WNT11: variants seen among roughly 807,000 people sequenced by gnomAD.
The protein encoded by WNT11 is Wnt family member 11, also known as protein Wnt-11.
A neutral mutation model predicts 35.6 loss-of-function variants in WNT11; 20 were observed. The observed-to-expected ratio is 0.56, with a 90% confidence interval of 0.40 to 0.82. The LOEUF (loss-of-function observed/expected upper bound fraction) is 0.82, where lower values mean the gene tolerates loss of function less well. Among genes scored for constraint, WNT11 ranks in the 40% least tolerant of loss-of-function variants. WNT11 has a pLI of 0.00. For missense variants in WNT11, 459 were observed against 504.4 expected (o/e 0.91, Z 0.86); for synonymous variants, 200 against 211.9 (o/e 0.94, Z 0.49).
At chr11:76,193,311 C>T (rs1040997861) in intron 3 of WNT11, among the ~76,000 whole-genome samples, 10 of 152,246 alleles carry the variant, frequency 6.6e-5, no homozygotes, top group African/African-American at 2.4e-4. Flanking sequence ...CTGATTTGCC[C>T]TGAGGCGGAG....
At chr11:76,206,119 C>T (rs751924080) in intron 1 of WNT11, among the ~76,000 whole-genome samples, 1 of 150,584 alleles carries the variant, frequency 6.6e-6, no homozygotes, top group Non-Finnish European at 1.5e-5. Flanking sequence ...TGGTCCACGC[C>T]CGTCTCACTC....
chr11:76,191,457 A>ATT, intron 4 of WNT11, 107 bp downstream of exon 4: 2 of 1,309,902 alleles, frequency 1.5e-6, no homozygotes, highest in Non-Finnish European at 2.1e-6. Context: ...CAGGGTCTCC[A>ATT]TTCCCCACAT....
upstream of WNT11, chr11:76,210,580 C>G: frequency 1.0e-6 from 1 of 985,224 alleles, no homozygotes; most frequent in Non-Finnish European, 1.2e-6. Context: ...GCTGGGCGAG[C>G]GGCGAAGGCG....
At chr11:76,201,427 G>A (rs1953375805) in intron 1 of WNT11, among the ~76,000 whole-genome samples, 1 of 152,224 alleles carries the variant, frequency 6.6e-6, no homozygotes, top group Non-Finnish European at 1.5e-5. Flanking sequence ...TCCCCCTTGG[G>A]GAGGTAATCA....
chr11:76,203,113 G>A lies in WNT11; in HGVS notation c.83+3212C>T, dbSNP rs116215813. ...TGTGCAAGTGGGGAAACTGAGGCCC[G>A]GAAAGGGCAGGGCTTGCCCAGATCT... On this transcript the variant is annotated intron_variant, in intron 1 of 4. Transcript: ENST00000322563. 9.0e-3 allele frequency among the ~76,000 whole-genome samples: 1,374 copies of A among 152,362 alleles called. 20 individuals carry two copies. The highest frequency in any genetic ancestry group is 0.032 in the African/African-American group (1,320 of 41,572).
intron 1 of WNT11, 121 bp downstream of exon 1, chr11:76,206,204 G>T: frequency 3.3e-6 from 3 of 909,494 alleles, no homozygotes; most frequent in South Asian, 2.7e-5. Context: ...ACTTGCCCAC[G>T]ACCGCCAAGC....
At chr11:76,210,517 G>A (rs1232929186), upstream of WNT11, 6 of 985,224 alleles carry the variant, frequency 6.1e-6, no homozygotes, top group Non-Finnish European at 7.2e-6. Flanking sequence ...CGGGTGCCCC[G>A]GCCTGCCCAG....
chr11:76,189,323 G>A (rs1591299723), intron 4 of WNT11, among the ~76,000 whole-genome samples: 2 of 152,306 alleles, frequency 1.3e-5, no homozygotes, highest in East Asian at 3.9e-4. Context: ...CCGGGTGCCT[G>A]GGACCAGGAT....
upstream of WNT11, chr11:76,206,841 C>T (rs76099981): frequency 0.014 from 2,096 of 148,680 alleles, 37 homozygotes; most frequent in African/African-American, 0.051. Context: ...CTGAGAGCCA[C>T]GGAGACAGAG....
upstream of WNT11, among the ~76,000 whole-genome samples, chr11:76,207,522 A>T (rs943359489): frequency 3.3e-5 from 5 of 151,886 alleles, no homozygotes; most frequent in African/African-American, 1.2e-4. Context: ...GTGTCCGGCG[A>T]AATCAGGAAA....
chr11:76,200,759 G>A lies in WNT11; in HGVS notation c.84-4041C>T, dbSNP rs912959561. 3.3e-5 allele frequency among the ~76,000 whole-genome samples: 5 copies of A among 152,182 alleles called. 1 individual carries two copies. The highest frequency in any genetic ancestry group is 7.3e-5 in the Non-Finnish European group (5 of 68,040). ...TGAGCCTGCTCTGCCGCTTGCCCTCGCCCAACTTTCTTCCCGCTCCTTCTG... is the reference window on the plus strand; with the variant it reads ...TGAGCCTGCTCTGCCGCTTGCCCTCACCCAACTTTCTTCCCGCTCCTTCTG... On this transcript the variant is annotated intron_variant, in intron 1 of 4. Transcript: ENST00000322563.
rs201233239 is a variant in WNT11, at chr11:76,206,419, G to A, written c.-12C>T. ...GGCCGCGCCCTCATCGTCGCGCGGCGGGCGCGCCCGGGGTCACACCCAGGA... is the reference window on the plus strand; with the variant it reads ...GGCCGCGCCCTCATCGTCGCGCGGCAGGCGCGCCCGGGGTCACACCCAGGA... On this transcript the variant is annotated 5_prime_UTR_variant, in exon 1 of 5. Transcript: ENST00000322563. 177 of 1,494,388 alleles carry A rather than the reference G, an allele frequency of 1.2e-4. No individual in the cohort carries two copies. The highest frequency in any genetic ancestry group is 1.1e-3 in the Admixed American group (52 of 45,378). The allele number at this position is 1,494,388 out of a possible 1,614,324, so 92.6% of individuals were successfully genotyped here. A position where few individuals can be genotyped will look rare whatever the true frequency, so the allele number is the denominator to read the frequency against.
chr11:76,207,208 A>G (rs1953488678), upstream of WNT11, among the ~76,000 whole-genome samples: 1 of 152,010 alleles, frequency 6.6e-6, no homozygotes, highest in African/African-American at 2.4e-5. Context: ...CTACGAATAC[A>G]AAAAATTAGC....
Position 76,194,509 on chromosome 11 carries a change from C to T in WNT11, c.597+58G>A. The T allele has an allele frequency of 7.3e-7, 1 of 1,378,298 alleles. No individual in the cohort carries two copies. The highest frequency in any genetic ancestry group is 9.4e-7 in the Non-Finnish European group (1 of 1,062,362). 85.4% of individuals were successfully genotyped at this position (1,378,298 alleles called of 1,614,324 possible). ...CACCACTGGGGCAAGCTGGGTGGCC[C>T]TTTTCTGGCCAATGGCACAAGCACA... is the stretch of plus-strand genomic sequence containing the variant. On this transcript the variant is annotated intron_variant, in intron 3 of 4. Coordinates refer to ENST00000322563, the MANE Select transcript of WNT11 (RefSeq NM_004626.3). This position sits in a 1 kb window ranked among gnomAD's most constrained non-coding sequence, Gnocchi z 5.4.
upstream of WNT11, chr11:76,206,525 G>C: frequency 8.1e-7 from 1 of 1,230,358 alleles, no homozygotes; most frequent in South Asian, 3.7e-5. Flanking sequence ...CGGAGGCGGC[G>C]GGTTAAGGCG....
chr11:76,192,108 A>G (rs1322243579), intron 3 of WNT11, among the ~76,000 whole-genome samples: 4 of 152,208 alleles, frequency 2.6e-5, no homozygotes, highest in Non-Finnish European at 5.9e-5. Flanking sequence ...CACCTGCTGT[A>G]TACCAAGCGC....
At chr11:76,210,605 C>T (rs988215208), upstream of WNT11, 75 of 985,288 alleles carry the variant, frequency 7.6e-5, no homozygotes, top group African/African-American at 1.2e-3. Flanking sequence ...CTTCGTGAAG[C>T]GGCGCGAGAA....
chr11:76,210,760 C>G (rs1953562164), upstream of WNT11: 1 of 830,966 alleles, frequency 1.2e-6, no homozygotes, highest in African/African-American at 1.8e-5. Context: ...GGCGCGATCT[C>G]CGGCGCGAGC....
chr11:76,187,290 C>A, intron 4 of WNT11, 51 bp from the exon 5 acceptor site: 1 of 1,555,722 alleles, frequency 6.4e-7, no homozygotes, highest in South Asian at 1.2e-5. Flanking sequence ...CACCACCCCA[C>A]CAACACCCCA....
Sources: allele counts gnomAD v4.1 joint callset (sites outside exome capture counted in the v4.1 genomes callset), GRCh38; gene constraint gnomAD v4.1.1; non-coding constraint Gnocchi (gnomAD v3.1); transcripts MANE v1.5; gene names NCBI Gene and HGNC (gene_info 2026-07-23, HGNC 2026-07-21).